Variants in SPIRE1 observed in about 807,000 individuals in gnomAD.
SPIRE1 encodes the protein spire type actin nucleation factor 1, also known as protein spire homolog 1.
Under a neutral mutation model 94.1 loss-of-function variants are expected in SPIRE1, and 40 were observed. The ratio of observed to expected loss-of-function variants is 0.43; its 90% CI spans 0.33 to 0.55. The LOEUF is 0.55. Ranked by LOEUF, SPIRE1 falls within the 20% of genes least tolerant of loss-of-function variation. The pLI is 0.06. For missense variants in SPIRE1, 838 were observed against 975.2 expected, an observed-to-expected ratio of 0.86 and a Z score of 1.87; for synonymous variants, 376 against 371.7, an observed-to-expected ratio of 1.01 and a Z score of -0.13.
intron 2 of SPIRE1, among the ~76,000 whole-genome samples, chr18:12,612,357 T>A (rs2037166749): frequency 6.6e-6 from 1 of 152,198 alleles, no homozygotes; most frequent in African/African-American, 2.4e-5. Context: ...CACGCCTTCT[T>A]AGGCTTCTTT....
chr18:12,467,874 G>A lies in SPIRE1; in HGVS notation c.1405-2916C>T, dbSNP rs113712809. ...TGAGGCATGAGAATCACTTGAACCC[G>A]GGAGGTGGAGGTTGCGGTGAGCTGA... is the stretch of plus-strand genomic sequence containing the variant. On this transcript the variant is annotated intron_variant, in intron 10 of 16. Coordinates refer to ENST00000409402, the MANE Select transcript of SPIRE1 (RefSeq NM_001128626.2). Among the ~76,000 whole-genome samples the A allele has an allele frequency of 2.2e-3, 341 of 152,216 alleles. 3 individuals carry two copies. The highest frequency in any genetic ancestry group is 7.9e-3 in the African/African-American group (327 of 41,520).
intron 4 of SPIRE1, among the ~76,000 whole-genome samples, chr18:12,528,648 A>C (rs1313663522): frequency 2.0e-5 from 3 of 152,188 alleles, no homozygotes; most frequent in African/African-American, 7.2e-5. Context: ...AGGGGTTTAC[A>C]CTTTCCACCT....
chr18:12,610,054 C>A (rs922669794), intron 2 of SPIRE1, among the ~76,000 whole-genome samples: 5 of 152,056 alleles, frequency 3.3e-5, no homozygotes, highest in African/African-American at 1.2e-4. Context: ...TGCTTCCTCC[C>A]CACCCCTCCC....
intron 2 of SPIRE1, among the ~76,000 whole-genome samples, chr18:12,631,402 T>C (rs2037770135): frequency 1.3e-5 from 2 of 151,856 alleles, no homozygotes; most frequent in Non-Finnish European, 2.9e-5. Context: ...CAAAACCTTT[T>C]AATGTCAGGC....
At chr18:12,478,551 TGA>T (rs1227929028) in intron 10 of SPIRE1, among the ~76,000 whole-genome samples, 1 of 125,650 alleles carries the variant, frequency 8.0e-6, no homozygotes, top group Non-Finnish European at 1.9e-5. Context: ...GGTGTGTGTG[TGA>T]AGCTAGGGTG....
chr18:12,525,317 T>C (rs965711678), intron 4 of SPIRE1, among the ~76,000 whole-genome samples: 7 of 136,738 alleles, frequency 5.1e-5, no homozygotes, highest in East Asian at 4.1e-4. Flanking sequence ...ATAATAATAA[T>C]AACAAAGGCT....
chr18:12,590,829 T>C (rs2036514447), intron 2 of SPIRE1, among the ~76,000 whole-genome samples: 1 of 152,232 alleles, frequency 6.6e-6, no homozygotes, highest in Non-Finnish European at 1.5e-5. Flanking sequence ...GTACATATGT[T>C]ACTGTGTACA....
At chr18:12,535,399 T>C (rs755824268) in intron 4 of SPIRE1, 77 bp downstream of exon 4, 19 of 1,462,786 alleles carry the variant, frequency 1.3e-5, no homozygotes, top group Non-Finnish European at 1.7e-5. Context: ...TATTGAAAAT[T>C]TAGGTTTCTC....
At chr18:12,651,154 G>A (rs1385457756) in intron 1 of SPIRE1, among the ~76,000 whole-genome samples, 2 of 152,082 alleles carry the variant, frequency 1.3e-5, no homozygotes, top group Non-Finnish European at 2.9e-5. Context: ...GGAACTCAAA[G>A]CATATTTGTT....
intron 2 of SPIRE1, among the ~76,000 whole-genome samples, chr18:12,602,282 A>G (rs1188767204): frequency 9.2e-5 from 14 of 152,146 alleles, no homozygotes; most frequent in Non-Finnish European, 4.4e-5. Context: ...TTGTAGTTTC[A>G]TTCTGCTTCA....
In SPIRE1 at chr18:12,657,637, T is replaced by TGGCGGCGGCG. The variant is rs951365414; in HGVS notation, c.220_229dup (p.Gln77ProfsTer41). 3.0e-6 allele frequency: 4 copies of TGGCGGCGGCG among 1,316,104 alleles called. No homozygotes were observed. The highest frequency in any genetic ancestry group is 3.3e-5 in the Admixed American group (1 of 30,212). 81.5% of individuals were successfully genotyped at this position (1,316,104 alleles called of 1,614,324 possible). A position where few individuals can be genotyped will look rare whatever the true frequency, so the allele number is the denominator to read the frequency against. On this transcript the variant is annotated frameshift_variant, in exon 1 of 17. Coordinates refer to ENST00000409402, the MANE Select transcript of SPIRE1 (RefSeq NM_001128626.2). LOFTEE classifies it high-confidence loss of function. ...GGCCGAGCGCACACGGTGGCGGGGCTGGCGGCGGCGGGCGGCGGCGCGCAG... is the reference window on the plus strand; with the variant it reads ...GGCCGAGCGCACACGGTGGCGGGGCTGGCGGCGGCGGGCGGCGGCGGGCGGCGGCGCGCAG...
At chr18:12,490,988 T>A (rs2033213492) in intron 8 of SPIRE1, among the ~76,000 whole-genome samples, 1 of 151,984 alleles carries the variant, frequency 6.6e-6, no homozygotes, top group Non-Finnish European at 1.5e-5. Context: ...AATAAAAGTG[T>A]CCCTGTTTGC....
At chr18:12,650,413 T>C (rs1245201101) in intron 1 of SPIRE1, among the ~76,000 whole-genome samples, 3 of 151,788 alleles carry the variant, frequency 2.0e-5, no homozygotes, top group Non-Finnish European at 4.4e-5. Context: ...ATATAAAAAT[T>C]ACCCAGGCAT....
chr18:12,530,996 A>G (rs1013188859), intron 4 of SPIRE1, among the ~76,000 whole-genome samples: 1 of 152,198 alleles, frequency 6.6e-6, no homozygotes, highest in Non-Finnish European at 1.5e-5. Context: ...TCTAGTCTTA[A>G]AATTATTTTA....
intron 1 of SPIRE1, among the ~76,000 whole-genome samples, chr18:12,635,320 G>A (rs1377905408): frequency 6.6e-6 from 1 of 152,032 alleles, no homozygotes; most frequent in Non-Finnish European, 1.5e-5. Context: ...AGAAAAAAAT[G>A]CTTAACTGTA....
At chr18:12,539,512 A>G (rs968850584) in intron 3 of SPIRE1, among the ~76,000 whole-genome samples, 1 of 152,010 alleles carries the variant, frequency 6.6e-6, no homozygotes, top group African/African-American at 2.4e-5. Flanking sequence ...ACAGTATTGA[A>G]CAAGTCAACA....
chr18:12,483,208 C>T (rs1030722403), intron 9 of SPIRE1, among the ~76,000 whole-genome samples: 3 of 152,114 alleles, frequency 2.0e-5, no homozygotes, highest in Non-Finnish European at 2.9e-5. Context: ...AAACTGCCCA[C>T]CTTAGCCTCC....
At chr18:12,524,236 A>G (rs1042704915) in intron 4 of SPIRE1, among the ~76,000 whole-genome samples, 5 of 152,212 alleles carry the variant, frequency 3.3e-5, no homozygotes, top group Admixed American at 2.0e-4. Context: ...GTTTTACCCC[A>G]TAATTGTAAT....
At position 12,577,302 on chromosome 18, in the gene SPIRE1, C is replaced by T. The variant is rs559808667; in HGVS notation, c.373-30398G>A. On this transcript the variant is annotated intron_variant, in intron 2 of 16. Transcript: ENST00000409402. The stretch of plus-strand genomic sequence containing the variant: ...AGCTGGGACTACAGGCGCCCGCCAC[C>T]ACGCCCAGCTAATTTTTTTGTATTT... 5.7e-4 allele frequency among the ~76,000 whole-genome samples: 86 copies of T among 152,162 alleles called. 1 individual carries two copies. The highest frequency in any genetic ancestry group is 5.6e-3 in the Admixed American group (86 of 15,278).
Sources: allele counts gnomAD v4.1 joint callset (sites outside exome capture counted in the v4.1 genomes callset), GRCh38; gene constraint gnomAD v4.1.1; transcripts MANE v1.5; gene names NCBI Gene and HGNC (gene_info 2026-07-23, HGNC 2026-07-21).